MACF1: variants seen among roughly 807,000 people sequenced by gnomAD.
MACF1 encodes the protein microtubule actin crosslinking factor 1, also known as microtubule-actin cross-linking factor 1.
A neutral mutation model predicts 854.8 loss-of-function variants in MACF1; 193 were observed. The ratio of observed to expected loss-of-function variants is 0.23; its 90% confidence interval spans 0.20 to 0.25. The LOEUF (loss-of-function observed/expected upper bound fraction) is 0.25, where lower values mean the gene tolerates loss of function less well. Ranked by LOEUF, MACF1 falls within the 10% of genes least tolerant of loss-of-function variation. The pLI, the probability that MACF1 is intolerant of heterozygous loss-of-function variation, is 1.00. For missense variants in MACF1, 7,722 were observed against 8,929.1 expected (o/e 0.86, Z 5.45); for synonymous variants, 3,185 against 3,226.7 (o/e 0.99, Z 0.44).
chr1:39,195,547 TAAAGTA>T (rs1187151363), intron 2 of MACF1, among the ~76,000 whole-genome samples: 1 of 152,138 alleles, frequency 6.6e-6, no homozygotes, highest in African/African-American at 2.4e-5. Flanking sequence ...GAGAAACAGA[TAAAGTA>T]TAATAAAAGC....
At position 39,315,655 on chromosome 1, in the gene MACF1, A is replaced by G. The variant is rs1346487564; in HGVS notation, c.3413A>G (p.Asp1138Gly). ...CTGAATCTGCTGGTGGAGAAGATGGACCATGTCTATGGTCTCTCTACTGTA... is the reference window on the plus strand; with the variant it reads ...CTGAATCTGCTGGTGGAGAAGATGGGCCATGTCTATGGTCTCTCTACTGTA... ...SELNLLVEKM[D>G]HVYGLSTVYL... Residue 1138 changes from aspartate (D) to glycine (G), a missense_variant, in exon 27 of 101, where the codon GAC (aspartate) becomes GGC (glycine). Physicochemically the swap from Asp to Gly is moderately conservative, Grantham distance 94. Transcript: ENST00000564288. 9.3e-6 allele frequency: 15 copies of G among 1,613,996 alleles called. No individual in the cohort carries two copies. Among genetic ancestry groups the G allele is most frequent in the Non-Finnish European group, 1.3e-5 (15 of 1,179,998 alleles).
intron 49 of MACF1, among the ~76,000 whole-genome samples, chr1:39,365,544 T>C (rs1342313682): frequency 6.6e-6 from 1 of 152,226 alleles, no homozygotes; most frequent in Non-Finnish European, 1.5e-5. Context: ...AAAACACTTC[T>C]GGTCCCAAGC....
At chr1:39,396,459 G>C (rs1238876579) in intron 58 of MACF1, among the ~76,000 whole-genome samples, 1 of 152,114 alleles carries the variant, frequency 6.6e-6, no homozygotes, top group Non-Finnish European at 1.5e-5. Flanking sequence ...ATTTGTATAA[G>C]AAGGAAGAAA....
chr1:39,429,360 T>TG (rs1204416503), intron 64 of MACF1, 34 bp downstream of exon 64: 1 of 1,227,158 alleles, frequency 8.1e-7, no homozygotes, highest in Admixed American at 1.8e-5. Context: ...AGCACCCCTA[T>TG]GGTCTCAAAG....
At chr1:39,245,756 T>C (rs1347104037) in intron 2 of MACF1, among the ~76,000 whole-genome samples, 3 of 152,312 alleles carry the variant, frequency 2.0e-5, no homozygotes, top group South Asian at 2.1e-4. Flanking sequence ...TTCATTTATT[T>C]ATTCATTCAT....
intron 100 of MACF1, 199 bp downstream of exon 100, chr1:39,484,929 G>A: frequency 1.6e-6 from 1 of 629,142 alleles, no homozygotes; most frequent in Non-Finnish European, 2.8e-6. Flanking sequence ...CTTCTGAGAT[G>A]AGATGCTTCC....
At chr1:39,181,534 T>C (rs758312792) in intron 2 of MACF1, among the ~76,000 whole-genome samples, 3 of 152,144 alleles carry the variant, frequency 2.0e-5, no homozygotes, top group African/African-American at 7.2e-5. Flanking sequence ...CCTCCTCCTC[T>C]TCTTCCAGAA....
chr1:39,384,143 G>A lies in MACF1; in HGVS notation c.13849-1291G>A, dbSNP rs188832513. Among the ~76,000 whole-genome samples, 458 of 152,060 alleles carry A rather than the reference G, an allele frequency of 3.0e-3. 1 individual carries two copies. Among genetic ancestry groups the A allele is most frequent in the Non-Finnish European group, 5.0e-3 (341 of 67,996 alleles). ...CCAGCCTTAATCTCTGCTCTGCTTGGAGAACTGCTCGTTCTTTATTGTCAC... is the reference window on the plus strand; with the variant it reads ...CCAGCCTTAATCTCTGCTCTGCTTGAAGAACTGCTCGTTCTTTATTGTCAC... On this transcript the variant is annotated intron_variant, in intron 56 of 100. Coordinates refer to ENST00000564288, the MANE Select transcript of MACF1 (RefSeq NM_001394062.1).
intron 58 of MACF1, chr1:39,413,974 A>T: frequency 1.9e-6 from 3 of 1,605,746 alleles, no homozygotes; most frequent in Non-Finnish European, 2.5e-6. Flanking sequence ...TGCAGTGTCC[A>T]ACCCAGAGGA....
intron 66 of MACF1, among the ~76,000 whole-genome samples, chr1:39,431,860 T>C (rs1279008881): frequency 6.6e-6 from 1 of 151,738 alleles, no homozygotes; most frequent in Non-Finnish European, 1.5e-5. Flanking sequence ...TGTGTAGTCC[T>C]AGCTATTAGA....
rs745984099 is a variant in MACF1 at position 39,327,227 on chromosome 1, A to C, written c.4488A>C (p.Glu1496Asp). 6 of 1,570,732 alleles carry C rather than the reference A, an allele frequency of 3.8e-6. No homozygotes were observed. In the African/African-American group the frequency reaches 8.1e-5, roughly 21 times the overall value. Residue 1496 changes from glutamate to aspartate, a missense_variant, in exon 36 of 101, where the codon GAA (glutamate) becomes GAC (aspartate). By Grantham distance (45) the Glu-to-Asp change is conservative. Around this residue, in one of 15 missense-constraint regions of MACF1, gnomAD observed 1,531 missense variants for 1,601.6 expected, o/e 0.96. Transcript: ENST00000564288. ...ATGCTTCATCTTCCAGGCTCTCAGA[A>C]AAAGAGAAGAAACAAATATCTGAGC... ...FLAKHGHKLS[E>D]KEKKQISEQL...
intron 97 of MACF1, among the ~76,000 whole-genome samples, chr1:39,476,385 A>G (rs1052644486): frequency 5.3e-5 from 8 of 152,084 alleles, no homozygotes; most frequent in Non-Finnish European, 1.0e-4. Flanking sequence ...CCTGGCTAAC[A>G]TGGTGAAACC....
intron 23 of MACF1, among the ~76,000 whole-genome samples, chr1:39,307,309 T>A (rs1300759155): frequency 2.6e-5 from 4 of 151,850 alleles, no homozygotes; most frequent in Non-Finnish European, 4.4e-5. Flanking sequence ...ATAGTAAAAC[T>A]CATCTTTTGT....
At chr1:39,300,991 C>T (rs191845593) in intron 22 of MACF1, among the ~76,000 whole-genome samples, 1 of 152,284 alleles carries the variant, frequency 6.6e-6, no homozygotes, top group Admixed American at 6.5e-5. Context: ...TGTTTGCACT[C>T]TAGCCTGAGT....
At chr1:39,297,983 GTCT>G (rs2148410935) in intron 21 of MACF1, among the ~76,000 whole-genome samples, 1 of 152,206 alleles carries the variant, frequency 6.6e-6, no homozygotes, top group Non-Finnish European at 1.5e-5. Flanking sequence ...TAAAGGCCTA[GTCT>G]TCTCCTCTGA....
At chr1:39,421,786 A>C (rs980784753) in intron 58 of MACF1, among the ~76,000 whole-genome samples, 1 of 152,194 alleles carries the variant, frequency 6.6e-6, no homozygotes, top group Non-Finnish European at 1.5e-5. Context: ...TTAAAAATTA[A>C]GCAACAGGCC....
Position 39,458,415 on chromosome 1 carries a change from G to C in MACF1, c.21121G>C (p.Val7041Leu). 1 of 1,614,076 alleles carries C rather than the reference G, an allele frequency of 6.2e-7. No homozygotes were observed. The highest frequency in any genetic ancestry group is 8.5e-7 in the Non-Finnish European group (1 of 1,180,008). The change falls in exon 90 of 101, where the codon GTC becomes CTC. Residue 7041 changes from valine to leucine, a missense_variant. Around this residue, in one of 15 missense-constraint regions of MACF1, gnomAD observed 729 missense variants for 900.5 expected, o/e 0.81. Coordinates refer to ENST00000564288, the MANE Select transcript of MACF1 (RefSeq NM_001394062.1). ...MTRKQPDVDR[V>L]TKTYKRKNIE... ...TCGCAAACAGCCTGACGTGGACCGGGTCACCAAGACATACAAAAGGAAAAA... is the reference window on the plus strand; with the variant it reads ...TCGCAAACAGCCTGACGTGGACCGGCTCACCAAGACATACAAAAGGAAAAA...
intron 52 of MACF1, among the ~76,000 whole-genome samples, chr1:39,377,946 G>T (rs2148550644): frequency 6.6e-6 from 1 of 152,044 alleles, no homozygotes; most frequent in Non-Finnish European, 1.5e-5. Flanking sequence ...GGAAGTTGCA[G>T]TGAGCCGAGA....
chr1:39,312,723 G>T (rs980662572), intron 26 of MACF1, among the ~76,000 whole-genome samples: 4 of 152,172 alleles, frequency 2.6e-5, no homozygotes, highest in African/African-American at 9.7e-5. Flanking sequence ...TATTCAAGTG[G>T]CTGAGGTATG....
Sources: allele counts gnomAD v4.1 joint callset (sites outside exome capture counted in the v4.1 genomes callset), GRCh38; gene constraint gnomAD v4.1.1; regional missense constraint gnomAD v4.1.1; transcripts MANE v1.5; gene names NCBI Gene and HGNC (gene_info 2026-07-23, HGNC 2026-07-21).